INO80: variants seen among roughly 807,000 people sequenced by gnomAD.
INO80 encodes the protein chromatin-remodeling ATPase INO80.
A neutral mutation model predicts 203.4 loss-of-function variants in INO80; 20 were observed. That is an observed-to-expected ratio of 0.10 (90% CI 0.07 to 0.14). The LOEUF is 0.14. Among genes scored for constraint, INO80 ranks in the 10% least tolerant of loss-of-function variants. The pLI is 1.00. For synonymous variants in INO80, 726 were observed against 685.2 expected (o/e 1.06, Z -0.93); for missense variants, 1,419 against 1,914.4 (o/e 0.74, Z 4.83).
chr15:40,988,134 C>T (rs1031701474), intron 29 of INO80, among the ~76,000 whole-genome samples, 160 bp from the exon 30 acceptor site: 3 of 152,120 alleles, frequency 2.0e-5, no homozygotes, highest in Non-Finnish European at 4.4e-5. Flanking sequence ...GATACAAAGC[C>T]GTTCCTTCAC....
At chr15:41,053,334 T>C (rs2044919164) in intron 19 of INO80, among the ~76,000 whole-genome samples, 2 of 152,148 alleles carry the variant, frequency 1.3e-5, no homozygotes, top group South Asian at 2.1e-4. Flanking sequence ...CTCGATTTCC[T>C]GACCTCATGA....
chr15:40,988,808 A>G (rs377334764), intron 29 of INO80, among the ~76,000 whole-genome samples: 128 of 152,340 alleles, frequency 8.4e-4, no homozygotes, highest in African/African-American at 2.9e-3. Context: ...TGAGGTCAGG[A>G]GTTTGAGACC....
intron 5 of INO80, 115 bp from the exon 6 acceptor site, chr15:41,087,797 C>T (rs2045583274): frequency 9.8e-7 from 1 of 1,022,960 alleles, no homozygotes; most frequent in Non-Finnish European, 1.4e-6. Context: ...AGTATTCTTC[C>T]CACAAAGAGA....
intron 14 of INO80, among the ~76,000 whole-genome samples, chr15:41,066,855 AAAAAAAAAT>A (rs1566935897): frequency 6.9e-6 from 1 of 143,940 alleles, no homozygotes; most frequent in South Asian, 2.3e-4. Context: ...GCAAAAAAAA[AAAAAAAAAT>A]CAAAAGAGGT....
intron 24 of INO80, among the ~76,000 whole-genome samples, chr15:41,033,835 AGGTCAGGAGAT>A (rs1341401045): frequency 1.3e-5 from 2 of 152,144 alleles, no homozygotes; most frequent in African/African-American, 4.8e-5. Context: ...GAGGATCACG[AGGTCAGGAGAT>A]CAAGACCATC....
intron 23 of INO80, among the ~76,000 whole-genome samples, chr15:41,046,515 T>C (rs2044770533): frequency 6.6e-6 from 1 of 150,916 alleles, no homozygotes; most frequent in Non-Finnish European, 1.5e-5. Context: ...CATGAGCCAC[T>C]GCGCCTGGCC....
chr15:41,093,676 C>T (rs1198543886), intron 4 of INO80, among the ~76,000 whole-genome samples: 1 of 151,854 alleles, frequency 6.6e-6, no homozygotes, highest in Non-Finnish European at 1.5e-5. Flanking sequence ...CCAGCCTGGG[C>T]AACATGGTGA....
At chr15:41,115,750 C>A (rs573777508) in intron 1 of INO80, among the ~76,000 whole-genome samples, 1 of 152,182 alleles carries the variant, frequency 6.6e-6, no homozygotes, top group African/African-American at 2.4e-5. Flanking sequence ...CGCATGACCC[C>A]GGGTCTCCAG....
At chr15:41,036,432 C>T (rs2044577556) in intron 24 of INO80, among the ~76,000 whole-genome samples, 1 of 152,060 alleles carries the variant, frequency 6.6e-6, no homozygotes, top group South Asian at 2.1e-4. Context: ...AGATCAAATG[C>T]AGGGCAAAAA....
intron 24 of INO80, among the ~76,000 whole-genome samples, chr15:41,032,729 C>T (rs2044508982): frequency 1.3e-5 from 2 of 152,118 alleles, no homozygotes; most frequent in Admixed American, 6.5e-5. Flanking sequence ...ACTTGACTCA[C>T]TAGAACTGTA....
chr15:41,037,516 T>C (rs2044598449), intron 24 of INO80, among the ~76,000 whole-genome samples: 1 of 152,000 alleles, frequency 6.6e-6, no homozygotes, highest in Non-Finnish European at 1.5e-5. Flanking sequence ...AAAAAATTAA[T>C]TAATTAAATA....
At chr15:41,062,084 A>G (rs1327579086) in intron 14 of INO80, among the ~76,000 whole-genome samples, 1 of 152,186 alleles carries the variant, frequency 6.6e-6, no homozygotes, top group African/African-American at 2.4e-5. Flanking sequence ...TGAATATACA[A>G]TATGAAAAAA....
At chr15:41,025,388 G>A (rs1180898078) in intron 25 of INO80, among the ~76,000 whole-genome samples, 1 of 152,136 alleles carries the variant, frequency 6.6e-6, no homozygotes, top group East Asian at 1.9e-4. Context: ...TACAATTACA[G>A]GCCAAGAGAG....
intron 6 of INO80, among the ~76,000 whole-genome samples, chr15:41,086,022 T>C (rs2045557529): frequency 6.6e-6 from 1 of 152,030 alleles, no homozygotes; most frequent in African/African-American, 2.4e-5. Flanking sequence ...AAGAACCAAA[T>C]TTCTTTTGAA....
At chr15:41,023,178 C>A in intron 25 of INO80, 6 of 384,590 alleles carry the variant, frequency 1.6e-5, no homozygotes, top group Non-Finnish European at 2.6e-5. Context: ...CCCACTAATA[C>A]ATGAGCATGG....
intron 14 of INO80, among the ~76,000 whole-genome samples, chr15:41,061,683 TA>T (rs2045112489): frequency 6.6e-6 from 1 of 152,034 alleles, no homozygotes; most frequent in African/African-American, 2.4e-5. Flanking sequence ...TAAAAAATGC[TA>T]ATTTGTTAAT....
At chr15:41,106,633 A>G (rs2045884722) in intron 1 of INO80, among the ~76,000 whole-genome samples, 1 of 151,938 alleles carries the variant, frequency 6.6e-6, no homozygotes, top group Admixed American at 6.6e-5. Flanking sequence ...TGTCTCAACA[A>G]AAAAAAAGAA....
intron 23 of INO80, among the ~76,000 whole-genome samples, chr15:41,046,825 C>A (rs2044776435): frequency 6.6e-6 from 1 of 151,908 alleles, no homozygotes; most frequent in Admixed American, 6.6e-5. Flanking sequence ...ACCATGTTAG[C>A]CAGGCTGGTC....
intron 29 of INO80, among the ~76,000 whole-genome samples, chr15:40,996,125 G>A (rs1035780817): frequency 6.6e-6 from 1 of 152,062 alleles, no homozygotes; most frequent in African/African-American, 2.4e-5. Context: ...CTACCCTCAT[G>A]AGTTTGCTTT....
Sources: allele counts gnomAD v4.1 joint callset (sites outside exome capture counted in the v4.1 genomes callset), GRCh38; gene constraint gnomAD v4.1.1; transcripts MANE v1.5; gene names NCBI Gene and HGNC (gene_info 2026-07-23, HGNC 2026-07-21).